SNTB2: variants seen among roughly 807,000 people sequenced by gnomAD.
The protein encoded by SNTB2 is syntrophin beta 2.
In SNTB2, 34 loss-of-function variants were observed where a neutral mutation model predicts 46.2. The ratio of observed to expected loss-of-function variants is 0.74; its 90% CI spans 0.56 to 0.98. SNTB2 has a LOEUF of 0.98. SNTB2 is among the 50% of genes least tolerant of loss of function. SNTB2 has a pLI of 0.00. For synonymous variants in SNTB2, 290 were observed against 312.6 expected (o/e 0.93, Z 0.76); for missense variants, 603 against 731.4 (o/e 0.82, Z 2.02).
rs925675922 is a variant in SNTB2, at chr16:69,250,121, CT to C, written c.794+4311del. 8.4e-4 allele frequency among the ~76,000 whole-genome samples: 128 copies of C among 152,206 alleles called. 1 individual carries two copies. The highest frequency in any genetic ancestry group is 2.8e-3 in the African/African-American group (118 of 41,538). On this transcript the variant is annotated intron_variant, in intron 2 of 6. Coordinates refer to ENST00000336278, the MANE Select transcript of SNTB2 (RefSeq NM_006750.4). ...AATAAAAAATTTTGCAAATGATTTG[CT>C]TTTTGTAAAATATAAATTGGAAGAG...
At chr16:69,226,140 C>T (rs536084582) in intron 1 of SNTB2, among the ~76,000 whole-genome samples, 8 of 152,176 alleles carry the variant, frequency 5.3e-5, no homozygotes, top group African/African-American at 1.7e-4. Context: ...GGCGTGATCT[C>T]GGCTCACTGC....
At chr16:69,218,141 T>G (rs568188573) in intron 1 of SNTB2, among the ~76,000 whole-genome samples, 2 of 152,322 alleles carry the variant, frequency 1.3e-5, no homozygotes, top group Admixed American at 6.5e-5. Flanking sequence ...TTTCCTAGAA[T>G]AATCTCCAGG....
intron 2 of SNTB2, among the ~76,000 whole-genome samples, chr16:69,257,095 C>T (rs1157355504): frequency 1.3e-5 from 2 of 150,992 alleles, no homozygotes; most frequent in African/African-American, 4.9e-5. Context: ...CGCTTGAACC[C>T]GGCAGTCAGA....
chr16:69,281,844 A>C (rs900615153), intron 4 of SNTB2, among the ~76,000 whole-genome samples: 15 of 151,572 alleles, frequency 9.9e-5, no homozygotes, highest in Non-Finnish European at 1.9e-4. Context: ...ACTCCATCTT[A>C]AGAAAAAAAA....
chr16:69,212,291 C>T (rs1183172423), intron 1 of SNTB2, among the ~76,000 whole-genome samples: 1 of 152,048 alleles, frequency 6.6e-6, no homozygotes, highest in African/African-American at 2.4e-5. Context: ...CTCCACCCTA[C>T]CACCCCCACT....
At position 69,307,749 on chromosome 16, in the gene SNTB2, A is replaced by G. The variant is rs1965326463; in HGVS notation, c.*6825A>G. ...CACTTTAGCCCAGGAGGTCCAGACC[A>G]GCCTGGGCAACACAGCGGGACCCCG... On this transcript the variant is annotated 3_prime_UTR_variant, in exon 7 of 7. Transcript: ENST00000336278. 2 of 152,124 alleles carry G rather than the reference A, an allele frequency of 1.3e-5. No homozygotes were observed. The highest frequency in any genetic ancestry group is 4.2e-4 in the South Asian group (2 of 4,814). 9.4% of individuals were successfully genotyped at this position (152,124 alleles called of 1,614,324 possible).
chr16:69,200,471 C>T (rs1218454497), intron 1 of SNTB2, among the ~76,000 whole-genome samples: 1 of 151,904 alleles, frequency 6.6e-6, no homozygotes, highest in African/African-American at 2.4e-5. Flanking sequence ...TTTTTCAGGC[C>T]CATGGGTTGA....
intron 5 of SNTB2, among the ~76,000 whole-genome samples, chr16:69,293,882 A>G (rs953670818): frequency 2.6e-5 from 4 of 152,190 alleles, no homozygotes; most frequent in Admixed American, 6.5e-5. Context: ...TGTAGAGCCT[A>G]TCTTGGCTGT....
intron 5 of SNTB2, among the ~76,000 whole-genome samples, chr16:69,284,459 T>TACAAAAAAA (rs1965080861): frequency 2.2e-5 from 1 of 45,866 alleles, no homozygotes; most frequent in African/African-American, 8.5e-5. Flanking sequence ...CCGTCTTTAC[T>TACAAAAAAA]AAAAAAAAAA....
chr16:69,288,625 T>G (rs1424640384), intron 5 of SNTB2, among the ~76,000 whole-genome samples: 1 of 152,196 alleles, frequency 6.6e-6, no homozygotes, highest in African/African-American at 2.4e-5. Flanking sequence ...CGGAAAACAG[T>G]ATGAATATTT....
At chr16:69,292,250 T>C (rs1965166254) in intron 5 of SNTB2, among the ~76,000 whole-genome samples, 1 of 147,470 alleles carries the variant, frequency 6.8e-6, no homozygotes, top group South Asian at 2.1e-4. Flanking sequence ...AAAATAAATA[T>C]AAATACATAG....
intron 2 of SNTB2, among the ~76,000 whole-genome samples, chr16:69,252,475 G>A (rs1273176227): frequency 2.6e-5 from 4 of 152,266 alleles, no homozygotes; most frequent in African/African-American, 4.8e-5. Context: ...CACTCCTTTC[G>A]GAAATGTAAA....
intron 4 of SNTB2, among the ~76,000 whole-genome samples, chr16:69,278,209 C>G (rs1370070338): frequency 6.6e-6 from 1 of 151,980 alleles, no homozygotes; most frequent in Non-Finnish European, 1.5e-5. Context: ...CCTAGCTACT[C>G]AGAAGCTGAG....
rs1039512967 is a variant in SNTB2, at chr16:69,303,860, C to T, written c.*2936C>T. 1.3e-5 allele frequency: 2 copies of T among 152,464 alleles called. No homozygotes were observed. Among genetic ancestry groups the T allele is most frequent in the Non-Finnish European group, 2.9e-5 (2 of 68,016 alleles). The allele number at this position is 152,464 out of a possible 1,614,324, so 9.4% of individuals were successfully genotyped here. A position where few individuals can be genotyped will look rare whatever the true frequency, so the allele number is the denominator to read the frequency against. On this transcript the variant is annotated 3_prime_UTR_variant, in exon 7 of 7. Coordinates refer to ENST00000336278, the MANE Select transcript of SNTB2 (RefSeq NM_006750.4). ...TCGATATTCTACCTTTTTTATAGAA[C>T]CAGCTCACTTTTCATTTCTTTTTCA...
At chr16:69,230,047 A>G (rs1346940808) in intron 1 of SNTB2, among the ~76,000 whole-genome samples, 2 of 152,030 alleles carry the variant, frequency 1.3e-5, no homozygotes, top group African/African-American at 2.4e-5. Flanking sequence ...TTGGCCTCCC[A>G]AAGTGCTGGG....
intron 4 of SNTB2, among the ~76,000 whole-genome samples, chr16:69,281,653 G>A (rs1597199060): frequency 6.6e-6 from 1 of 151,708 alleles, no homozygotes; most frequent in South Asian, 2.1e-4. Flanking sequence ...GACCTGCCTG[G>A]CCAACATGGT....
intron 2 of SNTB2, among the ~76,000 whole-genome samples, chr16:69,249,539 G>C (rs572598229): frequency 2.9e-4 from 44 of 152,296 alleles, no homozygotes; most frequent in African/African-American, 9.9e-4. Context: ...CTTGGTCTTT[G>C]TTAAAACTTG....
intron 5 of SNTB2, among the ~76,000 whole-genome samples, chr16:69,295,742 A>G (rs2143196563): frequency 6.6e-6 from 1 of 152,110 alleles, no homozygotes; most frequent in South Asian, 2.1e-4. Context: ...AAAAAAAAAA[A>G]AAAGCCACTT....
chr16:69,295,043 A>G (rs1965209114), intron 5 of SNTB2, among the ~76,000 whole-genome samples: 9 of 151,332 alleles, frequency 5.9e-5, no homozygotes, highest in Admixed American at 5.9e-4. Flanking sequence ...CTGATCTCGA[A>G]CTCCTGAGCT....
Sources: allele counts gnomAD v4.1 joint callset (sites outside exome capture counted in the v4.1 genomes callset), GRCh38; gene constraint gnomAD v4.1.1; transcripts MANE v1.5; gene names NCBI Gene and HGNC (gene_info 2026-07-23, HGNC 2026-07-21).